Variants in CYP2R1 observed in about 807,000 individuals in gnomAD.
CYP2R1 encodes vitamin D 25-hydroxylase.
CYP2R1 carries 40 observed loss-of-function variants against 45.7 expected under a neutral mutation model. That is an observed-to-expected ratio of 0.87 (90% CI 0.68 to 1.14). The LOEUF (loss-of-function observed/expected upper bound fraction) is 1.14. Among genes scored for constraint, CYP2R1 ranks in the 50% most tolerant of loss-of-function variants. The pLI is 0.00. For synonymous variants in CYP2R1, 234 were observed against 219.3 expected (o/e 1.07, Z -0.59); for missense variants, 605 against 602.6 (o/e 1.00, Z -0.04).
At chr11:14,883,682 A>T (rs1251545708) in intron 2 of CYP2R1, among the ~76,000 whole-genome samples, 1 of 152,074 alleles carries the variant, frequency 6.6e-6, no homozygotes, top group African/African-American at 2.4e-5. Context: ...AAATTGACAA[A>T]TGGGATCTAA....
chr11:14,891,446 TCA>T, intron 1 of CYP2R1: 1 of 985,828 alleles, frequency 1.0e-6, no homozygotes, highest in Non-Finnish European at 1.2e-6. Flanking sequence ...GGCCCGCTTC[TCA>T]GTCAGGGGCG....
At chr11:14,892,233 C>T (rs1555017500), upstream of CYP2R1, 4 of 1,597,312 alleles carry the variant, frequency 2.5e-6, no homozygotes, top group South Asian at 3.3e-5. Context: ...GCGAACTCCA[C>T]AGCAGCCCTG....
rs1555011692 is a variant in CYP2R1 at position 14,880,421 on chromosome 11, G to T, written c.715C>A (p.Pro239Thr). ...AACAGCTGTTGATGTTTTCCAAAAGGCAGGATGCCAATCCATGGAAAGGCA... is the reference window on the plus strand; with the variant it reads ...AACAGCTGTTGATGTTTTCCAAAAGTCAGGATGCCAATCCATGGAAAGGCA... The part of the protein sequence containing the change: ...YNAFPWIGIL[P>T]FGKHQQLFRN... The change falls in exon 3 of 5, where the codon CCT becomes ACT. Residue 239 changes from proline to threonine, a missense_variant. Coordinates refer to ENST00000334636, the MANE Select transcript of CYP2R1 (RefSeq NM_024514.5). 1.2e-6 allele frequency: 2 copies of T among 1,613,378 alleles called. No homozygotes were observed. Among genetic ancestry groups the T allele is most frequent in the Non-Finnish European group, 1.7e-6 (2 of 1,179,670 alleles).
chr11:14,882,919 A>G (rs1555012881), intron 2 of CYP2R1, among the ~76,000 whole-genome samples: 1 of 152,194 alleles, frequency 6.6e-6, no homozygotes, highest in African/African-American at 2.4e-5. Context: ...ATCATGAGTG[A>G]ACTCCCATTC....
At chr11:14,891,683 C>A (rs1020969616) in intron 1 of CYP2R1, 12 of 1,177,188 alleles carry the variant, frequency 1.0e-5, no homozygotes, top group Non-Finnish European at 1.3e-5. Context: ...GCGAGCCAAA[C>A]GGCGCAGGCG....
Position 14,880,521 on chromosome 11 carries a change from G to T in CYP2R1, c.615C>A (p.Thr205=). ...ATAACTCAATCATGTGCTGAAAATC[G>T]GTGTCTTCATAAGTGAATCGTTCTC... ...IFGERFTYED[T]DFQHMIELFS... Residue 205 remains threonine (T), a synonymous_variant, in exon 3 of 5, where the codon ACC becomes ACA. Coordinates refer to ENST00000334636, the MANE Select transcript of CYP2R1 (RefSeq NM_024514.5). 1 of 1,613,452 alleles carries T rather than the reference G, an allele frequency of 6.2e-7. No homozygotes were observed. Among genetic ancestry groups the T allele is most frequent in the Non-Finnish European group, 8.5e-7 (1 of 1,179,678 alleles).
chr11:14,881,099 A>G (rs1212369198), intron 2 of CYP2R1, among the ~76,000 whole-genome samples: 1 of 152,100 alleles, frequency 6.6e-6, no homozygotes, highest in Non-Finnish European at 1.5e-5. Flanking sequence ...ACCAAAGACA[A>G]ATGACCACAT....
rs1555011772 is a variant in CYP2R1 at position 14,880,493 on chromosome 11, T to C, written c.643A>G (p.Ser215Gly). 6.2e-7 allele frequency: 1 copy of C among 1,613,564 alleles called. No homozygotes were observed. ...TDFQHMIELFSENVELAASAS... is the reference protein window; with the variant it reads ...TDFQHMIELFGENVELAASAS... ...CTGGCAGCTAGTTCCACATTTTCACTAAATAACTCAATCATGTGCTGAAAA... is the reference window on the plus strand; with the variant it reads ...CTGGCAGCTAGTTCCACATTTTCACCAAATAACTCAATCATGTGCTGAAAA... Residue 215 changes from serine to glycine, a missense_variant, in exon 3 of 5, where the codon AGT (serine) becomes GGT (glycine). Physicochemically the swap from Ser to Gly is moderately conservative, Grantham distance 56. Coordinates refer to ENST00000334636, the MANE Select transcript of CYP2R1 (RefSeq NM_024514.5).
rs138403694 is a variant in CYP2R1, at chr11:14,877,446, T to A, written c.*676A>T. On this transcript the variant is annotated 3_prime_UTR_variant, in exon 5 of 5. Transcript: ENST00000334636. ...AAGATTCAATAGCCATTTATCATTT[T>A]AAATTTTAAATATATTATTGTAATG... 2 of 152,280 alleles carry A rather than the reference T, an allele frequency of 1.3e-5. No individual in the cohort carries two copies. Among genetic ancestry groups the A allele is most frequent in the African/African-American group, 4.8e-5 (2 of 41,558 alleles). The allele number at this position is 152,280 out of a possible 1,614,324, so 9.4% of individuals were successfully genotyped here.
intron 1 of CYP2R1, chr11:14,890,360 G>A (rs1820410287): frequency 2.2e-6 from 1 of 454,538 alleles, no homozygotes; most frequent in African/African-American, 2.1e-5. Context: ...TATATTACAT[G>A]AAAATCATGG....
intron 1 of CYP2R1, chr11:14,887,490 C>T: frequency 8.4e-6 from 6 of 710,488 alleles, no homozygotes; most frequent in Non-Finnish European, 8.6e-6. Context: ...AAAACTTATC[C>T]TTAAACTGCT....
chr11:14,891,783 C>A, intron 1 of CYP2R1, 198 bp downstream of exon 1: 1 of 1,398,848 alleles, frequency 7.1e-7, no homozygotes, highest in Admixed American at 3.2e-5. Context: ...AGGGGCGGGG[C>A]TCCCCCTGCA....
chr11:14,884,377 TG>T, intron 2 of CYP2R1, among the ~76,000 whole-genome samples: 1 of 152,168 alleles, frequency 6.6e-6, no homozygotes, highest in East Asian at 2.0e-4. Context: ...TCATGTCCTT[TG>T]TTAGGGACAT....
chr11:14,883,758 T>G (rs1187442900), intron 2 of CYP2R1, among the ~76,000 whole-genome samples: 1 of 151,860 alleles, frequency 6.6e-6, no homozygotes, highest in Non-Finnish European at 1.5e-5. Context: ...ACCTACAAAA[T>G]GGGAGAAAAT....
rs1555017282 is a variant in CYP2R1 at position 14,892,070 on chromosome 11, G to C, written c.136C>G (p.Leu46Val). 3 of 1,611,752 alleles carry C rather than the reference G, an allele frequency of 1.9e-6. 1 individual carries two copies. In the South Asian group the frequency reaches 3.3e-5, roughly 18 times the overall value. The change falls in exon 1 of 5, where the codon CTG (leucine) becomes GTG (valine). Residue 46 changes from leucine (L) to valine (V), a missense_variant. Transcript: ENST00000334636. ...PMGFPPGPPG[L>V]PFIGNIYSLA... ...GAATAGATGTTGCCGATAAATGGCA[G>C]CCCCGGCGGCCCCGGGGGGAAGCCC...
Position 14,892,067 on chromosome 11 carries a change from GCAGCC to G in CYP2R1, c.134_138del (p.Gly45AlafsTer47), listed in dbSNP as rs782730421. 52 of 1,612,184 alleles carry G rather than the reference GCAGCC, an allele frequency of 3.2e-5. No individual in the cohort carries two copies. The highest frequency in any genetic ancestry group is 4.2e-5 in the Non-Finnish European group (50 of 1,179,700). ...AGGGAATAGATGTTGCCGATAAATG[GCAGCC>G]CCGGCGGCCCCGGGGGGAAGCCCAT... is the stretch of plus-strand genomic sequence containing the variant. On this transcript the variant is annotated frameshift_variant, in exon 1 of 5. Coordinates refer to ENST00000334636, the MANE Select transcript of CYP2R1 (RefSeq NM_024514.5). LOFTEE classifies it high-confidence loss of function.
Position 14,892,085 on chromosome 11 carries a change from G to T in CYP2R1, c.121C>A (p.Pro41Thr), listed in dbSNP as rs147467617. The T allele has an allele frequency of 5.0e-5, 80 of 1,611,814 alleles. No individual in the cohort carries two copies. Among genetic ancestry groups the T allele is most frequent in the Non-Finnish European group, 6.5e-5 (77 of 1,179,710 alleles). Residue 41 changes from proline (P) to threonine (T), a missense_variant, in exon 1 of 5, where the codon CCG (proline) becomes ACG (threonine). Physicochemically the swap from Pro to Thr is conservative, Grantham distance 38 (BLOSUM62 -1). Transcript: ENST00000334636. ...ATAAATGGCAGCCCCGGCGGCCCCGGGGGGAAGCCCATCGGCCGCCTCTGC... is the reference window on the plus strand; with the variant it reads ...ATAAATGGCAGCCCCGGCGGCCCCGTGGGGAAGCCCATCGGCCGCCTCTGC... ...LKQRRPMGFPPGPPGLPFIGN... is the reference protein window; with the variant it reads ...LKQRRPMGFPTGPPGLPFIGN...
chr11:14,892,358 C>G, upstream of CYP2R1: 1 of 707,304 alleles, frequency 1.4e-6, no homozygotes, highest in Non-Finnish European at 2.3e-6. Flanking sequence ...CCCTTCGGGA[C>G]AACTACCTTC....
At chr11:14,879,539 A>G in intron 3 of CYP2R1, 96 bp from the exon 4 acceptor site, 1 of 907,266 alleles carries the variant, frequency 1.1e-6, no homozygotes, top group Non-Finnish European at 1.7e-6. Flanking sequence ...ACCTATAACA[A>G]GCCAATAGGA....
Sources: allele counts gnomAD v4.1 joint callset (sites outside exome capture counted in the v4.1 genomes callset), GRCh38; gene constraint gnomAD v4.1.1; transcripts MANE v1.5; gene names NCBI Gene and HGNC (gene_info 2026-07-23, HGNC 2026-07-21).